The following DCLK3 variants were observed in gnomAD, a reference collection of about 807,000 sequenced individuals.
DCLK3 encodes doublecortin like kinase 3.
DCLK3 carries 30 observed loss-of-function variants against 46.4 expected under a neutral mutation model. That is an observed-to-expected ratio of 0.65 (90% CI 0.48 to 0.88). The LOEUF (loss-of-function observed/expected upper bound fraction) is 0.88. Ranked by LOEUF, DCLK3 falls within the 40% of genes least tolerant of loss-of-function variation. The pLI is 0.00. For missense variants in DCLK3, 846 were observed against 907.1 expected (o/e 0.93, Z 0.87); for synonymous variants, 401 against 339.2 (o/e 1.18, Z -2.00).
Position 36,737,696 on chromosome 3 carries a change from C to T in DCLK3, c.1471G>A (p.Glu491Lys), listed in dbSNP as rs756116672. 7 of 1,613,806 alleles carry T rather than the reference C, an allele frequency of 4.3e-6. No individual in the cohort carries two copies. The highest frequency in any genetic ancestry group is 2.2e-5 in the South Asian group (2 of 91,006). ...TLRDDQPAKL[E>K]KEPKTRPEEN... is the part of the protein sequence containing the mutation. Reference sequence around the variant, plus strand: ...TCTGGCCTCGTCTTGGGCTCCTTTTCTAGCTTTGCAGGTTGGTCATCTCTG... The same window carrying T: ...TCTGGCCTCGTCTTGGGCTCCTTTTTTAGCTTTGCAGGTTGGTCATCTCTG... The change falls in exon 2 of 5, where the codon GAA becomes AAA. Residue 491 changes from glutamate to lysine, a missense_variant. Glu to Lys is a moderately conservative substitution (Grantham distance 56). This residue lies in a region of DCLK3 where 553 missense variants were observed against 543.0 expected (regional missense o/e 1.02). Transcript: ENST00000636136. The surrounding 1 kb of genome is among the most constrained non-coding windows in gnomAD (Gnocchi z 4.4).
intron 1 of DCLK3, among the ~76,000 whole-genome samples, chr3:36,759,829 C>A (rs1701522560): frequency 6.6e-6 from 1 of 152,214 alleles, no homozygotes; most frequent in South Asian, 2.1e-4. Context: ...AAGGGTTCCT[C>A]CCTTTCTTAA....
At chr3:36,742,046 G>A (rs769842981) in intron 1 of DCLK3, among the ~76,000 whole-genome samples, 1 of 152,192 alleles carries the variant, frequency 6.6e-6, no homozygotes, top group Non-Finnish European at 1.5e-5. Flanking sequence ...GGAGGTTCAG[G>A]AAAGCCCCTG....
chr3:36,734,197 G>T (rs115014740), intron 2 of DCLK3, among the ~76,000 whole-genome samples: 1,910 of 152,286 alleles, frequency 0.013, 44 homozygotes, highest in African/African-American at 0.043. Flanking sequence ...CAACTTTAGA[G>T]ATAACACCTT....
chr3:36,760,429 G>A (rs1701528437), intron 1 of DCLK3, among the ~76,000 whole-genome samples: 1 of 148,024 alleles, frequency 6.8e-6, no homozygotes, highest in African/African-American at 2.5e-5. Context: ...TGAACAATGA[G>A]AATACATGGA....
At chr3:36,749,136 G>C (rs1399684286) in intron 1 of DCLK3, among the ~76,000 whole-genome samples, 1 of 152,194 alleles carries the variant, frequency 6.6e-6, no homozygotes, top group Non-Finnish European at 1.5e-5. Flanking sequence ...GTTTCCTACG[G>C]CCTGAATATT....
intron 1 of DCLK3, among the ~76,000 whole-genome samples, chr3:36,746,659 T>C (rs1477168039): frequency 1.3e-5 from 2 of 152,248 alleles, no homozygotes; most frequent in Non-Finnish European, 2.9e-5. Context: ...GGTTATACCC[T>C]ACAGACACCC....
intron 1 of DCLK3, among the ~76,000 whole-genome samples, chr3:36,756,045 G>T (rs1701482059): frequency 6.6e-6 from 1 of 152,196 alleles, no homozygotes; most frequent in African/African-American, 2.4e-5. Context: ...AAAGATTCCT[G>T]GGTTGGTCTC....
chr3:36,760,631 A>AAAAG (rs10694838), intron 1 of DCLK3, among the ~76,000 whole-genome samples: 27,064 of 151,982 alleles, frequency 0.18, 2,498 homozygotes, highest in South Asian at 0.22. Flanking sequence ...TATAATTAAA[A>AAAAG]AAAGAAAGAA....
At chr3:36,716,975 G>C (rs903019959) in intron 4 of DCLK3, among the ~76,000 whole-genome samples, 1 of 152,154 alleles carries the variant, frequency 6.6e-6, no homozygotes, top group African/African-American at 2.4e-5. Flanking sequence ...TATTTAAAGG[G>C]GGGAAAATGA....
intron 1 of DCLK3, 30 bp from the exon 2 acceptor site, chr3:36,739,114 A>G (rs1701311775): frequency 2.5e-6 from 1 of 398,126 alleles, no homozygotes; most frequent in Non-Finnish European, 4.4e-6. Flanking sequence ...ACAGAGTATT[A>G]GTTAAGATGG....
intron 1 of DCLK3, among the ~76,000 whole-genome samples, chr3:36,757,854 C>T (rs966326122): frequency 1.3e-5 from 2 of 152,124 alleles, no homozygotes; most frequent in Non-Finnish European, 2.9e-5. Context: ...CCTTCCATCC[C>T]CTCCCACATC....
chr3:36,741,102 C>T (rs992472600), intron 1 of DCLK3, among the ~76,000 whole-genome samples: 38 of 152,188 alleles, frequency 2.5e-4, no homozygotes, highest in African/African-American at 9.2e-4. Context: ...CCTTTCTTCT[C>T]ACAGCCTCTT....
chr3:36,728,123 C>CCAT (rs765629950), intron 2 of DCLK3, among the ~76,000 whole-genome samples: 95 of 152,324 alleles, frequency 6.2e-4, no homozygotes, highest in Non-Finnish European at 7.9e-4. Flanking sequence ...TTATGGCAAG[C>CCAT]TTAGCTTGTG....
chr3:36,737,098 A>G lies in DCLK3; in HGVS notation c.1959+110T>C. 6 of 1,398,172 alleles carry G rather than the reference A, an allele frequency of 4.3e-6. 1 individual carries two copies. In the South Asian group the frequency reaches 9.2e-5, roughly 21 times the overall value. The allele number at this position is 1,398,172 out of a possible 1,614,324, so 86.6% of individuals were successfully genotyped here. ...TGGAACAAGTATGTTATAATAACAT[A>G]AAAGTAAAATTCTAGTGTGTAAAGG... On this transcript the variant is annotated intron_variant, in intron 2 of 4. Coordinates refer to ENST00000636136, the MANE Select transcript of DCLK3 (RefSeq NM_001394672.2). This position sits in a 1 kb window ranked among gnomAD's most constrained non-coding sequence, Gnocchi z 4.4.
At chr3:36,759,797 T>C (rs376106454) in intron 1 of DCLK3, among the ~76,000 whole-genome samples, 5 of 152,182 alleles carry the variant, frequency 3.3e-5, no homozygotes, top group East Asian at 1.9e-4. Flanking sequence ...CAAAACCCAG[T>C]TCAGATTTAA....
intron 1 of DCLK3, 44 bp from the exon 2 acceptor site, chr3:36,739,128 C>G (rs1469787666): frequency 2.5e-6 from 1 of 397,924 alleles, no homozygotes; most frequent in East Asian, 3.6e-5. Flanking sequence ...AAGATGGGTT[C>G]AGAGAGCCCT....
At chr3:36,723,567 G>T (rs953038715) in intron 2 of DCLK3, among the ~76,000 whole-genome samples, 1 of 152,182 alleles carries the variant, frequency 6.6e-6, no homozygotes, top group Non-Finnish European at 1.5e-5. Flanking sequence ...CCCATGCTGT[G>T]TGCAGCCTAG....
At chr3:36,739,327 C>T (rs981336413) in intron 1 of DCLK3, among the ~76,000 whole-genome samples, 1 of 152,158 alleles carries the variant, frequency 6.6e-6, no homozygotes, top group Admixed American at 6.5e-5. Context: ...CTCACAGGGG[C>T]CCCCAGGATG....
At chr3:36,733,547 C>G (rs1701224468) in intron 2 of DCLK3, among the ~76,000 whole-genome samples, 1 of 152,184 alleles carries the variant, frequency 6.6e-6, no homozygotes, top group Admixed American at 6.5e-5. Flanking sequence ...ATCATCACTA[C>G]TCCAGCTCCT....
Sources: allele counts gnomAD v4.1 joint callset (sites outside exome capture counted in the v4.1 genomes callset), GRCh38; gene constraint gnomAD v4.1.1; regional missense constraint gnomAD v4.1.1; non-coding constraint Gnocchi (gnomAD v3.1); transcripts MANE v1.5; gene names NCBI Gene and HGNC (gene_info 2026-07-23, HGNC 2026-07-21).